The following OXTR variants were observed in gnomAD, a reference collection of about 807,000 sequenced individuals.
The protein encoded by OXTR is oxytocin receptor.
Under a neutral mutation model 23.9 loss-of-function variants are expected in OXTR, and 19 were observed. The ratio of observed to expected loss-of-function variants is 0.80; its 90% CI spans 0.56 to 1.17. The LOEUF (loss-of-function observed/expected upper bound fraction) is 1.17. Ranked by LOEUF, OXTR falls within the 50% of genes most tolerant of loss-of-function variation. The pLI is 0.00. For missense variants in OXTR, 500 were observed against 550.7 expected, an observed-to-expected ratio of 0.91 and a Z score of 0.92; for synonymous variants, 278 against 250.5, an observed-to-expected ratio of 1.11 and a Z score of -1.04.
Position 8,750,639 on chromosome 3 carries a change from T to C in OXTR, c.*2338A>G, listed in dbSNP as rs1174619531. 2.0e-5 allele frequency: 3 copies of C among 152,346 alleles called. No homozygotes were observed. The highest frequency in any genetic ancestry group is 2.0e-4 in the Admixed American group (3 of 15,304). 9.4% of individuals were successfully genotyped at this position (152,346 alleles called of 1,614,324 possible). ...CATTTCAATGCAGTCAGACAATATG[T>C]GGGCTTTTGCACCTGGCTTCTTTCA... On this transcript the variant is annotated 3_prime_UTR_variant, in exon 4 of 4. Transcript: ENST00000316793.
Position 8,752,964 on chromosome 3 carries a change from C to T in OXTR, c.*13G>A. ...CTGAGCCTCAGGCTGCAGCCCTGGC[C>T]CTGGCTGGTGGGTCACGCCGTGGAT... On this transcript the variant is annotated 3_prime_UTR_variant, in exon 4 of 4. Coordinates refer to ENST00000316793, the MANE Select transcript of OXTR (RefSeq NM_000916.4). 6.2e-7 allele frequency: 1 copy of T among 1,606,720 alleles called. No individual in the cohort carries two copies. Among genetic ancestry groups the T allele is most frequent in the Non-Finnish European group, 8.5e-7 (1 of 1,175,564 alleles).
At chr3:8,756,584 T>A (rs920231208) in intron 3 of OXTR, among the ~76,000 whole-genome samples, 29 of 152,206 alleles carry the variant, frequency 1.9e-4, no homozygotes, top group African/African-American at 7.0e-4. Flanking sequence ...CCAAAACAAA[T>A]GTGGTCCACC....
chr3:8,761,147 C>T (rs1429180060), intron 3 of OXTR, among the ~76,000 whole-genome samples: 1 of 152,114 alleles, frequency 6.6e-6, no homozygotes, highest in Non-Finnish European at 1.5e-5. Context: ...TCAATAGTGC[C>T]AAAGTTGAAA....
At chr3:8,760,848 G>A (rs78172575) in intron 3 of OXTR, among the ~76,000 whole-genome samples, 7,731 of 152,318 alleles carry the variant, frequency 0.051, 254 homozygotes, top group Non-Finnish European at 0.069. Context: ...GGGTACACAA[G>A]GCAGGCTGGC....
chr3:8,746,962 A>G (rs574425025), downstream of OXTR, among the ~76,000 whole-genome samples: 3 of 152,318 alleles, frequency 2.0e-5, no homozygotes, highest in African/African-American at 7.2e-5. Flanking sequence ...GAGATTTTCA[A>G]TAGACTTTGG....
At chr3:8,749,515 A>G (rs959748084), downstream of OXTR, among the ~76,000 whole-genome samples, 1 of 152,186 alleles carries the variant, frequency 6.6e-6, no homozygotes, top group Non-Finnish European at 1.5e-5. Context: ...GCAGCGAGGC[A>G]TGAATGCTAA....
chr3:8,763,691 TCACCAAGTCAG>T (rs1324142317), intron 3 of OXTR, among the ~76,000 whole-genome samples: 1 of 152,194 alleles, frequency 6.6e-6, no homozygotes, highest in African/African-American at 2.4e-5. Context: ...CTCACCAGCC[TCACCAAGTCAG>T]CACCCGACGG....
rs200520483 is a variant in OXTR at position 8,767,987 on chromosome 3, T to C, written c.201A>G (p.Thr67=). The C allele has an allele frequency of 1.2e-6, 2 of 1,611,546 alleles. No homozygotes were observed. Among genetic ancestry groups the C allele is most frequent in the Non-Finnish European group, 1.7e-6 (2 of 1,179,210 alleles). The change falls in exon 3 of 4, where the codon ACA becomes ACG. Residue 67 remains threonine, a synonymous_variant. Coordinates refer to ENST00000316793, the MANE Select transcript of OXTR (RefSeq NM_000916.4). ...NACVLLALRT[T]RQKHSRLFFF... ...AGAAGAGGCGCGAGTGCTTCTGGCGTGTGGTGCGCAGCGCCAGCAGCACAC... is the reference window on the plus strand; with the variant it reads ...AGAAGAGGCGCGAGTGCTTCTGGCGCGTGGTGCGCAGCGCCAGCAGCACAC...
At chr3:8,762,686 T>A (rs1708515475) in intron 3 of OXTR, among the ~76,000 whole-genome samples, 1 of 152,166 alleles carries the variant, frequency 6.6e-6, no homozygotes, top group Admixed American at 6.5e-5. Flanking sequence ...TGCCCGAGGA[T>A]CCTCAGTCCC....
At chr3:8,755,869 T>C (rs1055479700) in intron 3 of OXTR, among the ~76,000 whole-genome samples, 1 of 152,214 alleles carries the variant, frequency 6.6e-6, no homozygotes, top group African/African-American at 2.4e-5. Context: ...TTCAAAGGGC[T>C]GAGGCAGCAG....
chr3:8,765,444 A>T (rs1193922448), intron 3 of OXTR, among the ~76,000 whole-genome samples: 1 of 152,234 alleles, frequency 6.6e-6, no homozygotes, highest in Non-Finnish European at 1.5e-5. Context: ...AAATGTCCTC[A>T]TTCTAAAAGC....
Position 8,751,945 on chromosome 3 carries a change from AG to A in OXTR, c.*1031del, listed in dbSNP as rs1708269028. ...AAGGATTGCACTGAATCTGCATGTC[AG>A]TTAGGATAGTATTGCCATCTTAACA... is the stretch of plus-strand genomic sequence containing the variant. On this transcript the variant is annotated 3_prime_UTR_variant, in exon 4 of 4. Transcript: ENST00000316793. The A allele has an allele frequency of 1.3e-5, 2 of 152,234 alleles. No individual in the cohort carries two copies. Among genetic ancestry groups the A allele is most frequent in the South Asian group, 4.1e-4 (2 of 4,826 alleles). 9.4% of individuals were successfully genotyped at this position (152,234 alleles called of 1,614,324 possible).
rs1708627918 is a variant in OXTR, at chr3:8,767,273, G to A, written c.915C>T (p.Pro305=). ...QMWSVWDANA[P]KEASAFIIVM... ...TCTCCCAGCCCTGGCTACCTTCCTT[G>A]GGCGCGTTGGCATCCCAGACGCTCC... Residue 305 remains proline (P), a synonymous_variant, in exon 3 of 4, where the codon CCC becomes CCT. Transcript: ENST00000316793. The A allele has an allele frequency of 1.3e-6, 2 of 1,542,994 alleles. No homozygotes were observed. The highest frequency in any genetic ancestry group is 4.0e-5 in the Admixed American group (2 of 49,384).
chr3:8,762,869 C>T (rs917939679), intron 3 of OXTR, among the ~76,000 whole-genome samples: 4 of 152,228 alleles, frequency 2.6e-5, no homozygotes, highest in Admixed American at 2.0e-4. Flanking sequence ...TTTCAGACAG[C>T]TGCTTAGAAA....
intron 3 of OXTR, among the ~76,000 whole-genome samples, chr3:8,761,651 T>C (rs1274394344): frequency 6.6e-6 from 1 of 152,194 alleles, no homozygotes; most frequent in Non-Finnish European, 1.5e-5. Flanking sequence ...AAAGCCATGA[T>C]GGGCCCCTTC....
intron 3 of OXTR, among the ~76,000 whole-genome samples, chr3:8,760,640 A>C (rs1234330906): frequency 1.3e-5 from 2 of 152,244 alleles, no homozygotes; most frequent in African/African-American, 4.8e-5. Flanking sequence ...CACCCTGTTC[A>C]TAGACCATGA....
chr3:8,762,350 AC>A (rs1708506474), intron 3 of OXTR, among the ~76,000 whole-genome samples: 1 of 152,152 alleles, frequency 6.6e-6, no homozygotes. Flanking sequence ...TATTTATCAA[AC>A]CTTTGGGGGG....
At chr3:8,745,445 T>C, downstream of OXTR, 1 of 1,089,942 alleles carries the variant, frequency 9.2e-7, no homozygotes, top group South Asian at 1.3e-5. The surrounding 1 kb of genome is among the most constrained non-coding windows in gnomAD (Gnocchi z 4.8). Flanking sequence ...TAGGGGATTC[T>C]GACACATGCA....
intron 3 of OXTR, among the ~76,000 whole-genome samples, chr3:8,764,946 A>C (rs142486479): frequency 2.6e-5 from 4 of 152,334 alleles, no homozygotes; most frequent in African/African-American, 9.6e-5. Flanking sequence ...GAATTCCTAA[A>C]GAAGCAAAGG....
Sources: allele counts gnomAD v4.1 joint callset (sites outside exome capture counted in the v4.1 genomes callset), GRCh38; gene constraint gnomAD v4.1.1; non-coding constraint Gnocchi (gnomAD v3.1); transcripts MANE v1.5; gene names NCBI Gene and HGNC (gene_info 2026-07-23, HGNC 2026-07-21).